Variants in COL24A1 observed in about 807,000 individuals in gnomAD.
COL24A1 encodes the protein collagen type XXIV alpha 1 chain, also known as collagen alpha-1(XXIV) chain.
A neutral mutation model predicts 253.9 loss-of-function variants in COL24A1; 224 were observed. That is an observed-to-expected ratio of 0.88 (90% CI 0.79 to 0.99). COL24A1 has a LOEUF of 0.99. COL24A1 is among the 50% of genes least tolerant of loss of function. The probability of loss-of-function intolerance (pLI) is 0.00; values close to 1 mark genes in which losing one functional copy is unlikely to be tolerated. For synonymous variants in COL24A1, 685 were observed against 673.7 expected (o/e 1.02, Z -0.26); for missense variants, 2,131 against 2,068.5 (o/e 1.03, Z -0.59).
chr1:85,896,123 G>A, intron 29 of COL24A1, 58 bp from the exon 30 acceptor site: 4 of 1,465,800 alleles, frequency 2.7e-6, no homozygotes, highest in Non-Finnish European at 3.8e-6. Flanking sequence ...GTCTTACTAT[G>A]CTAGCATATG....
At chr1:86,121,409 T>C (rs1437787308) in intron 3 of COL24A1, among the ~76,000 whole-genome samples, 2 of 152,050 alleles carry the variant, frequency 1.3e-5, no homozygotes, top group Non-Finnish European at 2.9e-5. Context: ...GTGAAAAAAA[T>C]TATTTACCAG....
In COL24A1 at chr1:85,812,281, A is replaced by T. The variant is rs560807417; in HGVS notation, c.3951+4507T>A. On this transcript the variant is annotated intron_variant, in intron 47 of 59. Transcript: ENST00000370571. ...AGCAAGCAATTCAGATTTCCATGAC[A>T]CCCGTTCCCATTGCTTTGACATTGC... Among the ~76,000 whole-genome samples, 49 of 152,338 alleles carry T rather than the reference A, an allele frequency of 3.2e-4. 1 individual carries two copies. The highest frequency in any genetic ancestry group is 1.1e-3 in the African/African-American group (45 of 41,594).
chr1:86,052,206 G>A (rs756543243), intron 10 of COL24A1, among the ~76,000 whole-genome samples: 6 of 151,830 alleles, frequency 4.0e-5, no homozygotes, highest in Non-Finnish European at 5.9e-5. Context: ...TCACAGAATG[G>A]GTGATTTTTC....
chr1:86,105,525 G>T (rs1704893285), intron 5 of COL24A1, among the ~76,000 whole-genome samples: 1 of 152,176 alleles, frequency 6.6e-6, no homozygotes, highest in Non-Finnish European at 1.5e-5. Flanking sequence ...ATCAAGGAAA[G>T]CTCAGATCAG....
At chr1:85,949,991 T>G (rs1689733174) in intron 24 of COL24A1, among the ~76,000 whole-genome samples, 1 of 152,182 alleles carries the variant, frequency 6.6e-6, no homozygotes. Flanking sequence ...CTGTACATGT[T>G]CTGTTACCTA....
At chr1:86,021,119 T>C (rs1025009535) in intron 18 of COL24A1, among the ~76,000 whole-genome samples, 4 of 152,090 alleles carry the variant, frequency 2.6e-5, no homozygotes, top group African/African-American at 9.7e-5. Context: ...ATTAAAAAAA[T>C]AAATAATCCT....
intron 24 of COL24A1, among the ~76,000 whole-genome samples, chr1:85,934,150 T>A (rs1558713652): frequency 1.3e-5 from 2 of 152,074 alleles, no homozygotes; most frequent in African/African-American, 2.4e-5. Flanking sequence ...TCCCCCAGAT[T>A]AAGTGATGCA....
chr1:86,024,946 A>G (rs1272548237), intron 14 of COL24A1, among the ~76,000 whole-genome samples: 2 of 152,098 alleles, frequency 1.3e-5, no homozygotes, highest in Non-Finnish European at 2.9e-5. Flanking sequence ...CTTTGTATAT[A>G]TAATATCCTA....
intron 47 of COL24A1, among the ~76,000 whole-genome samples, chr1:85,794,406 A>G: frequency 6.6e-6 from 1 of 152,188 alleles, no homozygotes; most frequent in African/African-American, 2.4e-5. Context: ...GACTGAGAAT[A>G]ATAAGGAGCA....
At chr1:86,008,086 C>G (rs1023643855) in intron 19 of COL24A1, among the ~76,000 whole-genome samples, 8 of 151,690 alleles carry the variant, frequency 5.3e-5, no homozygotes, top group African/African-American at 1.9e-4. Context: ...CAAGTTGAGA[C>G]AATAAAAAAT....
In COL24A1 at chr1:86,089,247, G is replaced by A. The variant is rs148483380; in HGVS notation, c.1654-20C>T. ...ATCACCCTATAAACAAAATACAGAC[G>A]TTTAATGTCATGAAAGAGAACTGAA... On this transcript the variant is annotated intron_variant, in intron 6 of 59. Transcript: ENST00000370571. The A allele has an allele frequency of 1.1e-5, 17 of 1,552,464 alleles. No individual in the cohort carries two copies. Among genetic ancestry groups the A allele is most frequent in the African/African-American group, 4.2e-5 (3 of 70,698 alleles).
At chr1:86,034,989 C>T (rs1164113198) in intron 12 of COL24A1, among the ~76,000 whole-genome samples, 2 of 152,068 alleles carry the variant, frequency 1.3e-5, no homozygotes, top group East Asian at 3.8e-4. Context: ...TTTACATAGG[C>T]AAGTCAGTAT....
Position 85,745,502 on chromosome 1 carries a change from T to G in COL24A1, c.4442A>C (p.Gln1481Pro). 1 of 1,609,454 alleles carries G rather than the reference T, an allele frequency of 6.2e-7. No individual in the cohort carries two copies. The highest frequency in any genetic ancestry group is 1.7e-5 in the Admixed American group (1 of 59,334). ...TTGAATAGCAGCATTGATATCCATT[T>G]GCTTCTGTGTAAAACAAAACCATTT... ...GPPGAPGPRK[Q>P]MDINAAIQAL... The change falls in exon 56 of 60, where the codon CAA (glutamine) becomes CCA (proline). Residue 1481 changes from glutamine (Q) to proline (P), a missense_variant. Transcript: ENST00000370571.
At chr1:85,876,622 A>T (rs1225945544) in intron 33 of COL24A1, among the ~76,000 whole-genome samples, 1 of 152,224 alleles carries the variant, frequency 6.6e-6, no homozygotes, top group Non-Finnish European at 1.5e-5. Context: ...CTTCAGGTCA[A>T]GACTGAGAAA....
At chr1:85,934,064 C>A (rs12407664) in intron 24 of COL24A1, among the ~76,000 whole-genome samples, 17,619 of 152,150 alleles carry the variant, frequency 0.12, 1,125 homozygotes, top group East Asian at 0.23. Context: ...CATCTGAAGG[C>A]CTGACTGACC....
intron 5 of COL24A1, among the ~76,000 whole-genome samples, chr1:86,105,383 C>A (rs776740370): frequency 1.3e-5 from 2 of 152,180 alleles, no homozygotes; most frequent in Admixed American, 1.3e-4. Flanking sequence ...TCAGCTGTTG[C>A]GTGTCCAGAG....
At chr1:85,951,909 G>A (rs1689972078) in intron 24 of COL24A1, among the ~76,000 whole-genome samples, 1 of 152,080 alleles carries the variant, frequency 6.6e-6, no homozygotes, top group South Asian at 2.1e-4. Flanking sequence ...AAACACAAAG[G>A]TGGCTATATT....
chr1:85,819,556 C>A (rs1673389676), intron 45 of COL24A1, among the ~76,000 whole-genome samples: 1 of 152,128 alleles, frequency 6.6e-6, no homozygotes, highest in Admixed American at 6.5e-5. Context: ...GTTTCAAAAT[C>A]ATGTTTTTTA....
intron 59 of COL24A1, among the ~76,000 whole-genome samples, chr1:85,731,223 C>T (rs1158029902): frequency 6.6e-6 from 1 of 151,990 alleles, no homozygotes; most frequent in African/African-American, 2.4e-5. Context: ...TATACAGTTT[C>T]CCTCTTTCTT....
Sources: gnomAD v4.1 joint callset for allele counts (sites outside exome capture counted in the v4.1 genomes callset) on GRCh38, gnomAD v4.1.1 for gene constraint, MANE v1.5 for transcripts, NCBI Gene and HGNC (gene_info 2026-07-23, HGNC 2026-07-21) for gene names.